Variants in TLK2 observed in about 807,000 individuals in gnomAD.
TLK2 encodes the protein tousled like kinase 2, also known as serine/threonine-protein kinase tousled-like 2.
TLK2 carries 6 observed loss-of-function variants against 117.3 expected under a neutral mutation model. The ratio of observed to expected loss-of-function variants is 0.05; its 90% confidence interval spans 0.03 to 0.10. TLK2 has a LOEUF of 0.10. TLK2 is among the 10% of genes least tolerant of loss of function. The pLI, the probability that TLK2 is intolerant of heterozygous loss-of-function variation, is 1.00. For synonymous variants in TLK2, 257 were observed against 316.7 expected, an observed-to-expected ratio of 0.81 and a Z score of 2.00; for missense variants, 299 against 901.2, an observed-to-expected ratio of 0.33 and a Z score of 8.56.
At chr17:62,495,534 C>G (rs1221366139) in intron 2 of TLK2, among the ~76,000 whole-genome samples, 2 of 151,652 alleles carry the variant, frequency 1.3e-5, no homozygotes, top group Non-Finnish European at 2.9e-5. Context: ...CCCACCTCAG[C>G]TTCCCAAAGT....
chr17:62,607,100 A>T (rs2147268510), intron 20 of TLK2, among the ~76,000 whole-genome samples: 1 of 148,478 alleles, frequency 6.7e-6, no homozygotes, highest in East Asian at 2.0e-4. Context: ...ACATTCCCTG[A>T]CAATGTTGAA....
intron 2 of TLK2, among the ~76,000 whole-genome samples, chr17:62,488,990 T>TA (rs1489087326): frequency 6.6e-6 from 1 of 151,876 alleles, no homozygotes; most frequent in African/African-American, 2.4e-5. Context: ...CACACTTGAA[T>TA]AATTTTTGTA....
intron 15 of TLK2, among the ~76,000 whole-genome samples, chr17:62,581,663 A>G (rs911256611): frequency 9.4e-5 from 14 of 148,758 alleles, no homozygotes; most frequent in Non-Finnish European, 6.0e-5. Context: ...CTGGTCTTGA[A>G]CTCTTGGGCT....
intron 2 of TLK2, among the ~76,000 whole-genome samples, chr17:62,490,397 T>TA (rs1359257892): frequency 2.0e-5 from 3 of 152,222 alleles, no homozygotes; most frequent in African/African-American, 7.2e-5. Flanking sequence ...GAGTCACTCT[T>TA]ATCCTGAGGG....
intron 6 of TLK2, among the ~76,000 whole-genome samples, chr17:62,535,807 A>T (rs2077073682): frequency 6.6e-6 from 1 of 152,046 alleles, no homozygotes; most frequent in Admixed American, 6.5e-5. Context: ...AAGAAAAAAA[A>T]GTCATGGGAC....
intron 2 of TLK2, among the ~76,000 whole-genome samples, chr17:62,513,550 C>A (rs1358401492): frequency 6.6e-6 from 1 of 151,992 alleles, no homozygotes; most frequent in Non-Finnish European, 1.5e-5. Flanking sequence ...GTCTCAAACT[C>A]CTGGGCTCAA....
At chr17:62,586,826 C>CAA (rs35381069) in intron 16 of TLK2, among the ~76,000 whole-genome samples, 118 of 142,680 alleles carry the variant, frequency 8.3e-4, no homozygotes, top group South Asian at 2.7e-3. Flanking sequence ...GACTGCATCT[C>CAA]AAAAAAAAAA....
chr17:62,531,115 G>A (rs142458664), intron 6 of TLK2, among the ~76,000 whole-genome samples: 210 of 152,196 alleles, frequency 1.4e-3, no homozygotes, highest in African/African-American at 4.7e-3. Context: ...TCTGGAATTT[G>A]TGGGTTGGTA....
At chr17:62,534,990 G>A (rs2077015099) in intron 6 of TLK2, among the ~76,000 whole-genome samples, 1 of 142,108 alleles carries the variant, frequency 7.0e-6, no homozygotes, top group African/African-American at 2.6e-5. Context: ...CTGGGTTTAA[G>A]CAATTCTTCT....
At chr17:62,521,798 C>A (rs2076066630) in intron 3 of TLK2, among the ~76,000 whole-genome samples, 1 of 151,986 alleles carries the variant, frequency 6.6e-6, no homozygotes, top group South Asian at 2.1e-4. Context: ...AAGTCTGTAG[C>A]CACCTACTTT....
chr17:62,516,182 C>G (rs373651293), intron 2 of TLK2: 53 of 577,428 alleles, frequency 9.2e-5, no homozygotes, highest in African/African-American at 9.1e-4. Context: ...ACCTCGGCCT[C>G]CCAAAGTGCT....
intron 2 of TLK2, chr17:62,508,378 A>G: frequency 4.6e-6 from 4 of 871,426 alleles, no homozygotes; most frequent in Non-Finnish European, 5.5e-6. Context: ...GTACAAGAGT[A>G]TGAATTTACC....
At chr17:62,549,047 T>C (rs2146111181) in intron 7 of TLK2, among the ~76,000 whole-genome samples, 1 of 150,708 alleles carries the variant, frequency 6.6e-6, no homozygotes, top group Admixed American at 6.6e-5. Flanking sequence ...TCTAATCATT[T>C]GATTCTTATT....
At chr17:62,505,433 T>TTG (rs869033203) in intron 2 of TLK2, among the ~76,000 whole-genome samples, 2 of 144,448 alleles carry the variant, frequency 1.4e-5, no homozygotes, top group Non-Finnish European at 3.0e-5. Flanking sequence ...TTTTTTTTTT[T>TTG]GGTAGAGACC....
chr17:62,529,130 C>CT (rs2076572313), intron 6 of TLK2, among the ~76,000 whole-genome samples: 1 of 152,124 alleles, frequency 6.6e-6, no homozygotes. Flanking sequence ...ATTTGTATCT[C>CT]TCGCTGTGAT....
chr17:62,555,964 A>G (rs2078837370), intron 9 of TLK2, among the ~76,000 whole-genome samples: 1 of 151,798 alleles, frequency 6.6e-6, no homozygotes, highest in Non-Finnish European at 1.5e-5. Context: ...TTATATTATT[A>G]ATTAATTATT....
At chr17:62,506,975 G>A (rs1273967439) in intron 2 of TLK2, among the ~76,000 whole-genome samples, 1 of 152,058 alleles carries the variant, frequency 6.6e-6, no homozygotes, top group Non-Finnish European at 1.5e-5. Flanking sequence ...AACTGTAATA[G>A]CTCATTTTCC....
intron 16 of TLK2, among the ~76,000 whole-genome samples, chr17:62,589,316 CT>C (rs2146962791): frequency 6.6e-6 from 1 of 152,206 alleles, no homozygotes; most frequent in East Asian, 1.9e-4. Context: ...AGTTAGTATG[CT>C]TTTGTATGAT....
chr17:62,524,214 T>A, intron 5 of TLK2, 22 bp from the exon 6 acceptor site: 1 of 1,613,808 alleles, frequency 6.2e-7, no homozygotes, highest in Non-Finnish European at 8.5e-7. Flanking sequence ...ATTATTCATA[T>A]CGGTTTTTCC....
Sources: allele counts gnomAD v4.1 joint callset (sites outside exome capture counted in the v4.1 genomes callset), GRCh38; gene constraint gnomAD v4.1.1; transcripts MANE v1.5; gene names NCBI Gene and HGNC (gene_info 2026-07-23, HGNC 2026-07-21).